The following NTRK3 variants were observed in gnomAD, a reference collection of about 807,000 sequenced individuals.
NTRK3 encodes neurotrophic receptor tyrosine kinase 3, also known as NT-3 growth factor receptor.
A neutral mutation model predicts 91.7 loss-of-function variants in NTRK3; 24 were observed. The ratio of observed to expected loss-of-function variants is 0.26; its 90% CI spans 0.19 to 0.37. The LOEUF (loss-of-function observed/expected upper bound fraction) is 0.37. NTRK3 is among the 10% of genes least tolerant of loss of function. The probability of loss-of-function intolerance (pLI) is 1.00; values close to 1 mark genes in which losing one functional copy is unlikely to be tolerated. For missense variants in NTRK3, 880 were observed against 1,068.9 expected (o/e 0.82, Z 2.46); for synonymous variants, 483 against 404.0 (o/e 1.20, Z -2.34).
chr15:87,941,839 G>A (rs976160219), intron 14 of NTRK3, among the ~76,000 whole-genome samples: 8 of 152,186 alleles, frequency 5.3e-5, no homozygotes, highest in African/African-American at 7.2e-5. Context: ...GTGGGCTGGC[G>A]ATGAAAAGAG....
At chr15:87,920,926 A>G (rs887734415) in intron 17 of NTRK3, among the ~76,000 whole-genome samples, 2 of 152,184 alleles carry the variant, frequency 1.3e-5, no homozygotes, top group African/African-American at 4.8e-5. Context: ...AATGTGCATT[A>G]GTGGAAAAGC....
chr15:88,176,811 C>T (rs2046040770), intron 5 of NTRK3, among the ~76,000 whole-genome samples: 1 of 152,152 alleles, frequency 6.6e-6, no homozygotes, highest in Non-Finnish European at 1.5e-5. Flanking sequence ...GATAGAGTAT[C>T]AACTCTTAAA....
chr15:87,935,566 CAGA>C (rs951091341), intron 15 of NTRK3, among the ~76,000 whole-genome samples: 3 of 151,876 alleles, frequency 2.0e-5, no homozygotes, highest in Non-Finnish European at 2.9e-5. Flanking sequence ...TATTTTCATG[CAGA>C]AGAAGAAGAA....
intron 14 of NTRK3, among the ~76,000 whole-genome samples, chr15:87,976,920 C>T (rs2073772449): frequency 6.6e-6 from 1 of 152,134 alleles, no homozygotes; most frequent in African/African-American, 2.4e-5. Context: ...TAAAGGATCC[C>T]CAACCCCACT....
At chr15:87,979,069 TTC>T in intron 14 of NTRK3, 1 of 536,946 alleles carries the variant, frequency 1.9e-6, no homozygotes, top group African/African-American at 1.9e-5. Flanking sequence ...AGGTTTTTAA[TTC>T]TCTTTATTGG....
At chr15:87,927,989 T>C (rs1045968293) in intron 17 of NTRK3, 1 of 152,274 alleles carries the variant, frequency 6.6e-6, no homozygotes, top group East Asian at 1.9e-4. Context: ...TTTGTTTTTT[T>C]GGTTTTTTTT....
Position 88,241,163 on chromosome 15 carries a change from G to A in NTRK3, c.248+14743C>T, listed in dbSNP as rs1287969883. ...ATATAGGACACATCGTGGGGCTCCCGAGGGTGTCAGCTGGACTGAGACACT... is the reference window on the plus strand; with the variant it reads ...ATATAGGACACATCGTGGGGCTCCCAAGGGTGTCAGCTGGACTGAGACACT... On this transcript the variant is annotated intron_variant, in intron 3 of 18. Transcript: ENST00000394480. This position sits in a 1 kb window ranked among gnomAD's most constrained non-coding sequence, Gnocchi z 4.3. 2.0e-5 allele frequency among the ~76,000 whole-genome samples: 3 copies of A among 152,202 alleles called. No homozygotes were observed. The highest frequency in any genetic ancestry group is 4.8e-5 in the African/African-American group (2 of 41,450).
At chr15:87,967,188 A>G (rs978066669) in intron 14 of NTRK3, among the ~76,000 whole-genome samples, 1 of 152,164 alleles carries the variant, frequency 6.6e-6, no homozygotes, top group African/African-American at 2.4e-5. Flanking sequence ...GAAAGACCCT[A>G]TTCCGGTGGG....
chr15:87,997,887 T>C (rs907680011), intron 14 of NTRK3, among the ~76,000 whole-genome samples: 3 of 152,188 alleles, frequency 2.0e-5, no homozygotes, highest in African/African-American at 7.2e-5. Context: ...GGTCTAGCCC[T>C]GTGGGACAGG....
intron 5 of NTRK3, among the ~76,000 whole-genome samples, chr15:88,164,416 G>T (rs750133867): frequency 7.2e-5 from 11 of 152,206 alleles, no homozygotes; most frequent in Non-Finnish European, 1.6e-4. Context: ...ACTCCAGGGA[G>T]ATCCAGTTAA....
intron 5 of NTRK3, among the ~76,000 whole-genome samples, chr15:88,149,498 C>G (rs187603034): frequency 6.6e-6 from 1 of 152,326 alleles, no homozygotes; most frequent in East Asian, 1.9e-4. Flanking sequence ...GGTATGACAG[C>G]ACATGCTCAC....
chr15:88,225,650 G>T (rs1391567091), intron 3 of NTRK3, among the ~76,000 whole-genome samples: 3 of 152,142 alleles, frequency 2.0e-5, no homozygotes, highest in Non-Finnish European at 2.9e-5. Context: ...ACAAAGCAGG[G>T]TCACAATTAT....
At chr15:87,909,469 A>T (rs2066960544) in intron 17 of NTRK3, among the ~76,000 whole-genome samples, 1 of 152,198 alleles carries the variant, frequency 6.6e-6, no homozygotes, top group Admixed American at 6.5e-5. Flanking sequence ...CCCTGTGCAC[A>T]AACTCATAGG....
chr15:87,917,504 G>T (rs1053218736), intron 17 of NTRK3, among the ~76,000 whole-genome samples: 1 of 152,172 alleles, frequency 6.6e-6, no homozygotes, highest in African/African-American at 2.4e-5. Flanking sequence ...ACACTTTAAG[G>T]ATGCAGAATG....
intron 14 of NTRK3, among the ~76,000 whole-genome samples, chr15:88,020,090 G>A (rs1470503448): frequency 6.6e-6 from 1 of 152,226 alleles, no homozygotes; most frequent in African/African-American, 2.4e-5. Flanking sequence ...GGACCGTGCA[G>A]GCACAAACAT....
chr15:87,989,262 A>C (rs2075094246), intron 14 of NTRK3, among the ~76,000 whole-genome samples: 1 of 152,260 alleles, frequency 6.6e-6, no homozygotes, highest in South Asian at 2.1e-4. Flanking sequence ...CCAAATGTCC[A>C]TCAATGATAG....
At chr15:88,093,071 T>G (rs1462032250) in intron 13 of NTRK3, among the ~76,000 whole-genome samples, 1 of 151,332 alleles carries the variant, frequency 6.6e-6, no homozygotes, top group South Asian at 2.1e-4. Context: ...TTTTGTTTTT[T>G]TTGTTTTTTT....
At chr15:88,143,826 C>A (rs1198528544) in intron 6 of NTRK3, 2 of 152,222 alleles carry the variant, frequency 1.3e-5, no homozygotes, top group African/African-American at 4.8e-5. Flanking sequence ...AATATTTTAC[C>A]AAGCTGATTA....
At chr15:87,867,882 T>C (rs960076916) in exon 19 of NTRK3, 3 of 227,882 alleles carry the variant, frequency 1.3e-5, no homozygotes, top group Non-Finnish European at 2.6e-5. Context: ...TGAATCAAGT[T>C]TTTGTTTCTC....
Sources: allele counts gnomAD v4.1 joint callset (sites outside exome capture counted in the v4.1 genomes callset), GRCh38; gene constraint gnomAD v4.1.1; non-coding constraint Gnocchi (gnomAD v3.1); transcripts MANE v1.5; gene names NCBI Gene and HGNC (gene_info 2026-07-23, HGNC 2026-07-21).